The following UGT1A9 variants were observed in gnomAD, a reference collection of about 807,000 sequenced individuals.
The protein encoded by UGT1A9 is UDP-glucuronosyltransferase 1A9.
A neutral mutation model predicts 45.0 loss-of-function variants in UGT1A9; 35 were observed. The observed-to-expected ratio is 0.78, with a 90% CI of 0.59 to 1.03. The LOEUF is 1.03. Ranked by LOEUF, UGT1A9 falls within the 50% of genes least tolerant of loss-of-function variation. UGT1A9 has a pLI of 0.00. For synonymous variants in UGT1A9, 278 were observed against 250.6 expected, an observed-to-expected ratio of 1.11 and a Z score of -1.03; for missense variants, 687 against 666.6, an observed-to-expected ratio of 1.03 and a Z score of -0.34.
At chr2:233,757,644 C>A (rs1202656622) in intron 1 of UGT1A9, among the ~76,000 whole-genome samples, 2 of 149,758 alleles carry the variant, frequency 1.3e-5, no homozygotes, top group African/African-American at 4.9e-5. Flanking sequence ...GAACAAAATG[C>A]TGTTTTTCTG....
At chr2:233,759,599 A>ACCCCCCCCCCCCCC (rs1553620419) in intron 1 of UGT1A9, among the ~76,000 whole-genome samples, 9 of 108,650 alleles carry the variant, frequency 8.3e-5, no homozygotes, top group African/African-American at 2.6e-4. Flanking sequence ...CCCACCCCCG[A>ACCCCCCCCCCCCCC]CCCGCCCCAC....
intron 4 of UGT1A9, 145 bp downstream of exon 4, chr2:233,768,584 T>TC: frequency 1.2e-5 from 1 of 86,896 alleles, no homozygotes; most frequent in Non-Finnish European, 1.4e-5. Flanking sequence ...TATTTCTTCT[T>TC]TTTTTTTTTT....
In UGT1A9 at chr2:233,772,448, C is replaced by A; in HGVS notation, c.1482C>A (p.Ala494=). ...TGGACGTGATTGGTTTCCTCTTGGC[C>A]GTCGTGCTGACAGTGGCCTTCATCA... The part of the protein sequence containing the change: ...HSLDVIGFLL[A]VVLTVAFITF... Residue 494 remains alanine (A), a synonymous_variant, in exon 5 of 5, where the codon GCC becomes GCA. Coordinates refer to ENST00000354728, the MANE Select transcript of UGT1A9 (RefSeq NM_021027.3). 6.2e-7 allele frequency: 1 copy of A among 1,614,180 alleles called. No individual in the cohort carries two copies. The highest frequency in any genetic ancestry group is 8.5e-7 in the Non-Finnish European group (1 of 1,180,038).
intron 1 of UGT1A9, chr2:233,693,771 G>T: frequency 6.2e-7 from 1 of 1,614,156 alleles, no homozygotes; most frequent in Middle Eastern, 1.6e-4. Context: ...TGGCTGTTAA[G>T]ATATGACTTT....
chr2:233,747,864 C>G, intron 1 of UGT1A9: 2 of 1,613,576 alleles, frequency 1.2e-6, no homozygotes, highest in South Asian at 2.2e-5. Context: ...GCTCTACCCT[C>G]TGGCCCTGTC....
chr2:233,719,117 G>A (rs761490999), intron 1 of UGT1A9: 5 of 1,614,258 alleles, frequency 3.1e-6, no homozygotes, highest in Admixed American at 3.3e-5. Context: ...ACACTCAAGG[G>A]TTCTTTGAAA....
chr2:233,743,017 T>C (rs1054805), intron 1 of UGT1A9: 1 of 239,620 alleles, frequency 4.2e-6, no homozygotes, highest in Non-Finnish European at 8.3e-6. Flanking sequence ...TTACAACGAT[T>C]GAAAGACAAA....
chr2:233,748,482 T>G (rs1174810693), intron 1 of UGT1A9, among the ~76,000 whole-genome samples: 1 of 151,838 alleles, frequency 6.6e-6, no homozygotes, highest in African/African-American at 2.4e-5. Flanking sequence ...AAATTACAAT[T>G]GTTAATGTGA....
At chr2:233,686,765 A>T (rs926111347) in intron 1 of UGT1A9, among the ~76,000 whole-genome samples, 5 of 151,996 alleles carry the variant, frequency 3.3e-5, no homozygotes, top group Non-Finnish European at 7.4e-5. Flanking sequence ...GCTTTATTTT[A>T]TGCAACACTC....
At chr2:233,682,374 T>G (rs1438201790) in intron 1 of UGT1A9, 4 of 1,614,060 alleles carry the variant, frequency 2.5e-6, no homozygotes, top group Non-Finnish European at 3.4e-6. Flanking sequence ...GATGCAGTGT[T>G]TCTCGATCCT....
At chr2:233,683,432 A>T (rs1400062675) in intron 1 of UGT1A9, among the ~76,000 whole-genome samples, 1 of 152,148 alleles carries the variant, frequency 6.6e-6, no homozygotes, top group Non-Finnish European at 1.5e-5. Flanking sequence ...TATGAGCAAT[A>T]ATAAGAATTC....
chr2:233,729,939 C>A (rs1259357082), intron 1 of UGT1A9: 3 of 1,614,034 alleles, frequency 1.9e-6, no homozygotes, highest in Admixed American at 3.3e-5. Flanking sequence ...CAATCATGCC[C>A]AACATGGTCT....
intron 1 of UGT1A9, chr2:233,729,669 C>T: frequency 6.2e-7 from 1 of 1,613,910 alleles, no homozygotes; most frequent in Non-Finnish European, 8.5e-7. Context: ...GTGATTTAGA[C>T]TTTAAGGGCA....
intron 1 of UGT1A9, among the ~76,000 whole-genome samples, chr2:233,749,970 G>A (rs373320687): frequency 6.6e-6 from 1 of 151,884 alleles, no homozygotes; most frequent in Non-Finnish European, 1.5e-5. Context: ...TGTCTTTATA[G>A]CAGTGTGAGA....
At chr2:233,745,784 G>A (rs1693214179) in intron 1 of UGT1A9, among the ~76,000 whole-genome samples, 1 of 151,038 alleles carries the variant, frequency 6.6e-6, no homozygotes, top group Non-Finnish European at 1.5e-5. Flanking sequence ...GCTTAGACAG[G>A]GGGGCTGGGG....
intron 1 of UGT1A9, among the ~76,000 whole-genome samples, chr2:233,687,872 CACTCCAG>C (rs1469681060): frequency 5.9e-5 from 9 of 152,200 alleles, no homozygotes; most frequent in African/African-American, 2.2e-4. Context: ...TATTCCACTC[CACTCCAG>C]CCTGGGTGAT....
intron 4 of UGT1A9, 43 bp from the exon 5 acceptor site, chr2:233,772,219 A>G (rs1474444531): frequency 6.2e-7 from 1 of 1,612,704 alleles, no homozygotes; most frequent in East Asian, 2.2e-5. Context: ...GATTGTTCAT[A>G]CCACAGGTGT....
At chr2:233,694,008 G>C in intron 1 of UGT1A9, 3 of 1,456,452 alleles carry the variant, frequency 2.1e-6, no homozygotes, top group Non-Finnish European at 2.8e-6. Context: ...TCGGAGCAGC[G>C]GGAACACATA....
At chr2:233,694,242 C>T (rs2075207080) in intron 1 of UGT1A9, among the ~76,000 whole-genome samples, 2 of 151,944 alleles carry the variant, frequency 1.3e-5, no homozygotes, top group Non-Finnish European at 2.9e-5. Context: ...GTCTCTGGAC[C>T]TTGAGCCAGG....
Sources: gnomAD v4.1 joint callset for allele counts (sites outside exome capture counted in the v4.1 genomes callset) on GRCh38, gnomAD v4.1.1 for gene constraint, MANE v1.5 for transcripts, NCBI Gene and HGNC (gene_info 2026-07-23, HGNC 2026-07-21) for gene names.